The following TSPEAR variants were observed in gnomAD, a reference collection of about 807,000 sequenced individuals.
The protein encoded by TSPEAR is thrombospondin type laminin G domain and EAR repeats.
TSPEAR carries 69 observed loss-of-function variants against 71.6 expected under a neutral mutation model. The observed-to-expected ratio is 0.96, with a 90% CI of 0.79 to 1.18. TSPEAR has a LOEUF of 1.18. Ranked by LOEUF, TSPEAR falls within the 50% of genes most tolerant of loss-of-function variation. TSPEAR has a pLI of 0.00. For synonymous variants in TSPEAR, 402 were observed against 387.2 expected, an observed-to-expected ratio of 1.04 and a Z score of -0.45; for missense variants, 971 against 894.9, an observed-to-expected ratio of 1.09 and a Z score of -1.09.
At chr21:44,538,995 A>G (rs764970132) in intron 2 of TSPEAR, 71 of 541,346 alleles carry the variant, frequency 1.3e-4, no homozygotes, top group Non-Finnish European at 1.9e-4. Flanking sequence ...GTGACCAAGG[A>G]GAGTTTATTG....
chr21:44,517,511 G>A (rs2052615813), intron 9 of TSPEAR: 2 of 319,994 alleles, frequency 6.3e-6, no homozygotes, highest in Non-Finnish European at 1.2e-5. Context: ...TAGCCAATGA[G>A]CTGTGAGGAC....
rs750975793 is a variant in TSPEAR at position 44,520,991 on chromosome 21, C to T, written c.1566+892G>A. On this transcript the variant is annotated intron_variant, in intron 9 of 11. Transcript: ENST00000323084. The surrounding 1 kb of genome is among the most constrained non-coding windows in gnomAD (Gnocchi z 4.2). ...TGGGACGTGGCATGGGGGCAGCTCACGTGGCAAGAGTGGCCTGGGTTAGTC... is the reference window on the plus strand; with the variant it reads ...TGGGACGTGGCATGGGGGCAGCTCATGTGGCAAGAGTGGCCTGGGTTAGTC... 6.6e-6 allele frequency among the ~76,000 whole-genome samples: 1 copy of T among 152,216 alleles called. No homozygotes were observed. Among genetic ancestry groups the T allele is most frequent in the Non-Finnish European group, 1.5e-5 (1 of 68,046 alleles).
Position 44,533,903 on chromosome 21 carries a change from C to T in TSPEAR, c.324G>A (p.Thr108=), listed in dbSNP as rs782598456. 5.5e-5 allele frequency: 89 copies of T among 1,610,920 alleles called. No homozygotes were observed. The highest frequency in any genetic ancestry group is 7.0e-5 in the Non-Finnish European group (82 of 1,179,438). The stretch of plus-strand genomic sequence containing the variant: ...GCAGGTCGCTCTCCTCTGCCACCAC[C>T]GTCAGCAGGTACTCGTTCCTCTGTG... ...LPPKRNEYLL[T]VVAEESDLLL... The change falls in exon 3 of 12, where the codon ACG becomes ACA. Residue 108 remains threonine, a synonymous_variant. Transcript: ENST00000323084.
rs201415795 is a variant in TSPEAR, at chr21:44,539,260, G to C, written c.304-5337C>G. 6 of 1,592,032 alleles carry C rather than the reference G, an allele frequency of 3.8e-6. No homozygotes were observed. The East Asian group carries it at 1.3e-4, about 36-fold the overall frequency. ...GAACTGAGCCCAGCTGGCCCAGGGC[G>C]GGTGCCCATCAGCAGCTGGACTCCT... On this transcript the variant is annotated intron_variant, in intron 2 of 11. Transcript: ENST00000323084.
chr21:44,616,706 TGA>T (rs1982119657), intron 1 of TSPEAR, among the ~76,000 whole-genome samples: 1 of 152,190 alleles, frequency 6.6e-6, no homozygotes, highest in Admixed American at 6.5e-5. Flanking sequence ...TGAGACACCG[TGA>T]CAATGCGGCT....
rs1555949088 is a variant in TSPEAR at position 44,687,489 on chromosome 21, C to T, written c.82+23944G>A. On this transcript the variant is annotated intron_variant, in intron 1 of 11. Transcript: ENST00000323084. This position sits in a 1 kb window ranked among gnomAD's most constrained non-coding sequence, Gnocchi z 4.4. ...TTGCTTACGCACACGGCAACAGGAACGCATCGCAGAAACACCGCGCGGGGT... is the reference window on the plus strand; with the variant it reads ...TTGCTTACGCACACGGCAACAGGAATGCATCGCAGAAACACCGCGCGGGGT... Among the ~76,000 whole-genome samples, 3 of 152,340 alleles carry T rather than the reference C, an allele frequency of 2.0e-5. No individual in the cohort carries two copies. The highest frequency in any genetic ancestry group is 2.4e-5 in the African/African-American group (1 of 41,576).
chr21:44,531,820 A>G (rs1555915801), intron 3 of TSPEAR, among the ~76,000 whole-genome samples: 10 of 152,206 alleles, frequency 6.6e-5, no homozygotes, highest in Non-Finnish European at 1.5e-4. Context: ...GGCGGTCTTG[A>G]CGAGTGCGTG....
intron 1 of TSPEAR, among the ~76,000 whole-genome samples, chr21:44,617,031 G>C (rs1982145746): frequency 6.6e-6 from 1 of 152,184 alleles, no homozygotes; most frequent in East Asian, 1.9e-4. Context: ...CACATGGGGG[G>C]TCTCTAAAAC....
intron 1 of TSPEAR, among the ~76,000 whole-genome samples, chr21:44,708,087 G>A (rs1316251094): frequency 6.6e-6 from 1 of 151,660 alleles, no homozygotes. Flanking sequence ...GAGAGCGAGC[G>A]AGAGAGGACG....
chr21:44,640,147 G>C (rs1983943105), intron 1 of TSPEAR, among the ~76,000 whole-genome samples: 1 of 152,170 alleles, frequency 6.6e-6, no homozygotes, highest in African/African-American at 2.4e-5. Context: ...GTCCATCAGA[G>C]GATGAATGGA....
chr21:44,691,507 A>C (rs1987123667), intron 1 of TSPEAR, among the ~76,000 whole-genome samples: 1 of 152,250 alleles, frequency 6.6e-6, no homozygotes, highest in Non-Finnish European at 1.5e-5. Flanking sequence ...TGTATTGATA[A>C]AAGATTCAAC....
intron 2 of TSPEAR, among the ~76,000 whole-genome samples, chr21:44,565,390 T>C (rs1741822012): frequency 2.0e-5 from 3 of 152,142 alleles, no homozygotes; most frequent in South Asian, 2.1e-4. Context: ...CATACCATAA[T>C]CACACAAAGA....
intron 9 of TSPEAR, among the ~76,000 whole-genome samples, chr21:44,515,154 CAG>C (rs1364714751): frequency 1.3e-5 from 2 of 152,208 alleles, no homozygotes; most frequent in African/African-American, 2.4e-5. Context: ...TCAAACCAAA[CAG>C]TAAACAAATT....
intron 1 of TSPEAR, among the ~76,000 whole-genome samples, chr21:44,661,155 T>C (rs1175506796): frequency 2.0e-5 from 3 of 151,406 alleles, no homozygotes; most frequent in African/African-American, 4.9e-5. Context: ...GCGCCTGTAG[T>C]CCCAGCTACT....
chr21:44,540,401 T>G (rs2053198589), intron 2 of TSPEAR, among the ~76,000 whole-genome samples: 1 of 152,168 alleles, frequency 6.6e-6, no homozygotes. Flanking sequence ...CTGTCCTGTC[T>G]GGGCTGTAGC....
At chr21:44,530,774 G>A (rs1290135927) in intron 4 of TSPEAR, among the ~76,000 whole-genome samples, 1 of 152,226 alleles carries the variant, frequency 6.6e-6, no homozygotes, top group Admixed American at 6.5e-5. Flanking sequence ...CCGGGGAAGG[G>A]GCTGCAGGGC....
intron 1 of TSPEAR, chr21:44,601,700 G>GT: frequency 6.2e-7 from 1 of 1,612,094 alleles, no homozygotes; most frequent in Non-Finnish European, 8.5e-7. Flanking sequence ...CCGGCCTGCT[G>GT]TGGCCCCACC....
intron 1 of TSPEAR, among the ~76,000 whole-genome samples, chr21:44,686,839 T>G (rs1242100123): frequency 1.3e-5 from 2 of 152,296 alleles, no homozygotes; most frequent in African/African-American, 2.4e-5. Flanking sequence ...TCCTTAATAG[T>G]GGGTCTTTTT....
In TSPEAR at chr21:44,574,077, C is replaced by G. The variant is rs373708198; in HGVS notation, c.83-6072G>C. 2.5e-4 allele frequency: 402 copies of G among 1,612,884 alleles called. No homozygotes were observed. In the African/African-American group the frequency reaches 4.4e-3, roughly 18 times the overall value. ...TTGCTGTGCCTCCTCCCCCTGCCAG[C>G]AGGCCTGCTGCGTGCCCGTCTGCTG... On this transcript the variant is annotated intron_variant, in intron 1 of 11. Transcript: ENST00000323084.
Sources: gnomAD v4.1 joint callset for allele counts (sites outside exome capture counted in the v4.1 genomes callset) on GRCh38, gnomAD v4.1.1 for gene constraint, Gnocchi (gnomAD v3.1) non-coding constraint, MANE v1.5 for transcripts, NCBI Gene and HGNC (gene_info 2026-07-23, HGNC 2026-07-21) for gene names.